Variants in PIAS1 observed in about 807,000 individuals in gnomAD.
PIAS1 encodes the protein protein inhibitor of activated STAT 1, also known as E3 SUMO-protein ligase PIAS1.
Under a neutral mutation model 71.3 loss-of-function variants are expected in PIAS1, and 6 were observed. The ratio of observed to expected loss-of-function variants is 0.08; its 90% CI spans 0.05 to 0.17. The LOEUF (loss-of-function observed/expected upper bound fraction) is 0.17, where lower values mean the gene tolerates loss of function less well. Ranked by LOEUF, PIAS1 falls within the 10% of genes least tolerant of loss-of-function variation. PIAS1 has a pLI of 1.00. For missense variants in PIAS1, 555 were observed against 793.6 expected (o/e 0.70, Z 3.61); for synonymous variants, 303 against 292.9 (o/e 1.03, Z -0.35).
intron 2 of PIAS1, among the ~76,000 whole-genome samples, chr15:68,110,064 C>T (rs1318513901): frequency 6.6e-6 from 1 of 151,996 alleles, no homozygotes; most frequent in Non-Finnish European, 1.5e-5. Context: ...CATCAGTTTC[C>T]CCAAATTCTT....
chr15:68,143,783 T>G (rs1056236882), intron 4 of PIAS1, among the ~76,000 whole-genome samples: 1 of 152,142 alleles, frequency 6.6e-6, no homozygotes, highest in African/African-American at 2.4e-5. Context: ...GTTCATACTC[T>G]TCTGCCATCC....
intron 2 of PIAS1, among the ~76,000 whole-genome samples, chr15:68,111,456 T>C (rs963318133): frequency 9.9e-5 from 15 of 152,158 alleles, no homozygotes; most frequent in African/African-American, 3.4e-4. Context: ...AAAGTAGAAA[T>C]ACAATTTTCA....
chr15:68,118,036 G>A (rs1410862068), intron 2 of PIAS1, among the ~76,000 whole-genome samples: 1 of 152,052 alleles, frequency 6.6e-6, no homozygotes, highest in Non-Finnish European at 1.5e-5. Flanking sequence ...TTTGTGTAGA[G>A]TCAGAGTAGG....
chr15:68,124,616 G>A lies in PIAS1; in HGVS notation c.470-17330G>A, dbSNP rs185371012. On this transcript the variant is annotated intron_variant, in intron 2 of 13. Coordinates refer to ENST00000249636, the MANE Select transcript of PIAS1 (RefSeq NM_016166.3). ...CATGCCTGTAATCCCAGCTACTTGG[G>A]AGGCTGAGGCATGAGAATCTCTTGA... 8.5e-5 allele frequency among the ~76,000 whole-genome samples: 13 copies of A among 152,210 alleles called. No homozygotes were observed. In the East Asian group the frequency reaches 2.3e-3, roughly 27 times the overall value.
At chr15:68,131,032 C>T (rs927002116) in intron 2 of PIAS1, among the ~76,000 whole-genome samples, 4 of 152,084 alleles carry the variant, frequency 2.6e-5, no homozygotes, top group Non-Finnish European at 4.4e-5. Context: ...ATGGAAATGT[C>T]AGACAGTGTG....
In PIAS1 at chr15:68,173,094, A is replaced by G. The variant is rs558074758; in HGVS notation, c.1009-638A>G. Among the ~76,000 whole-genome samples, 10 of 152,332 alleles carry G rather than the reference A, an allele frequency of 6.6e-5. No individual in the cohort carries two copies. Among genetic ancestry groups the G allele is most frequent in the South Asian group, 4.1e-4 (2 of 4,826 alleles). On this transcript the variant is annotated intron_variant, in intron 8 of 13. Transcript: ENST00000249636. This position sits in a 1 kb window ranked among gnomAD's most constrained non-coding sequence, Gnocchi z 4.3. ...TAGATAAGACTGATAGCAAATATCA[A>G]TGCATCTCTGTATTGTGCAGTATTT...
At chr15:68,055,695 G>T (rs1597104492) in intron 1 of PIAS1, 1 of 438,782 alleles carries the variant, frequency 2.3e-6, no homozygotes, top group African/African-American at 2.0e-5. Flanking sequence ...TGTCAGAGAG[G>T]AGATGGGGAT....
intron 11 of PIAS1, 95 bp downstream of exon 11, chr15:68,176,749 T>C: frequency 2.2e-6 from 2 of 889,664 alleles, no homozygotes; most frequent in Non-Finnish European, 1.7e-6. Context: ...TTCTTGATTG[T>C]GAAACTTAAC....
At chr15:68,065,057 A>C (rs1026461779) in intron 1 of PIAS1, among the ~76,000 whole-genome samples, 1 of 152,050 alleles carries the variant, frequency 6.6e-6, no homozygotes, top group African/African-American at 2.4e-5. Context: ...TTTTTTTTTA[A>C]ATGACAAATC....
In PIAS1 at chr15:68,187,415, A is replaced by G. The variant is rs2093094926; in HGVS notation, c.1663-127A>G. 2.5e-6 allele frequency: 2 copies of G among 815,422 alleles called. No homozygotes were observed. Among genetic ancestry groups the G allele is most frequent in the Non-Finnish European group, 3.8e-6 (2 of 522,186 alleles). The allele number at this position is 815,422 out of a possible 1,614,324, so 50.5% of individuals were successfully genotyped here. A position where few individuals can be genotyped will look rare whatever the true frequency, so the allele number is the denominator to read the frequency against. ...GCCATTTGATTTTGCAAAATGTCTT[A>G]GTAAATATTTCAGAAACCCTAGATA... On this transcript the variant is annotated intron_variant, in intron 13 of 13. Coordinates refer to ENST00000249636, the MANE Select transcript of PIAS1 (RefSeq NM_016166.3). The surrounding 1 kb of genome is among the most constrained non-coding windows in gnomAD (Gnocchi z 5.3).
chr15:68,116,567 C>A (rs1285373879), intron 2 of PIAS1, among the ~76,000 whole-genome samples: 1 of 151,904 alleles, frequency 6.6e-6, no homozygotes, highest in Non-Finnish European at 1.5e-5. Context: ...TTTTGTTTTT[C>A]AATTTGATTA....
chr15:68,077,740 G>C (rs2092183931), intron 1 of PIAS1, among the ~76,000 whole-genome samples: 1 of 152,214 alleles, frequency 6.6e-6, no homozygotes, highest in Non-Finnish European at 1.5e-5. Flanking sequence ...TTATTACCAT[G>C]TAGCATTGTG....
intron 1 of PIAS1, chr15:68,057,666 C>T (rs2091911497): frequency 4.1e-6 from 1 of 245,058 alleles, no homozygotes. Flanking sequence ...AATTTGTCTG[C>T]TTTTATTTCA....
At chr15:68,144,988 TA>T (rs780738428) in intron 4 of PIAS1, among the ~76,000 whole-genome samples, 5 of 152,138 alleles carry the variant, frequency 3.3e-5, no homozygotes, top group Admixed American at 6.6e-5. Flanking sequence ...CCCTACTATG[TA>T]ACTCAGGGGT....
At chr15:68,180,727 G>A (rs2093048911) in intron 11 of PIAS1, among the ~76,000 whole-genome samples, 1 of 152,098 alleles carries the variant, frequency 6.6e-6, no homozygotes, top group Admixed American at 6.5e-5. Context: ...CAATCTGAGG[G>A]GCCAGCTGGT....
chr15:68,161,167 T>C (rs1595778470), intron 7 of PIAS1, among the ~76,000 whole-genome samples: 2 of 152,124 alleles, frequency 1.3e-5, no homozygotes, highest in Admixed American at 6.5e-5. Context: ...TAATGAACAA[T>C]TGGAAATTGA....
chr15:68,169,850 A>G (rs927034811), intron 8 of PIAS1, among the ~76,000 whole-genome samples: 9 of 152,180 alleles, frequency 5.9e-5, no homozygotes, highest in South Asian at 2.1e-4. Context: ...CCCCACAATC[A>G]TATTGTGTAG....
intron 2 of PIAS1, among the ~76,000 whole-genome samples, chr15:68,088,174 G>GTTTATATATATATATATATATATA (rs1193055165): frequency 3.6e-5 from 1 of 27,942 alleles, no homozygotes. Flanking sequence ...GATTATGTGT[G>GTTTATATATATATATATATATATA]TGTATATATA....
chr15:68,177,751 C>T (rs2093029593), intron 11 of PIAS1, among the ~76,000 whole-genome samples: 1 of 152,180 alleles, frequency 6.6e-6, no homozygotes, highest in Non-Finnish European at 1.5e-5. Context: ...GGCTGTTAGT[C>T]CTGTAGACAC....
Sources: allele counts gnomAD v4.1 joint callset (sites outside exome capture counted in the v4.1 genomes callset), GRCh38; gene constraint gnomAD v4.1.1; non-coding constraint Gnocchi (gnomAD v3.1); transcripts MANE v1.5; gene names NCBI Gene and HGNC (gene_info 2026-07-23, HGNC 2026-07-21).